The following COL22A1 variants were observed in gnomAD, a reference collection of about 807,000 sequenced individuals.
COL22A1 encodes the protein collagen alpha-1(XXII) chain.
Under a neutral mutation model 248.9 loss-of-function variants are expected in COL22A1, and 221 were observed. The ratio of observed to expected loss-of-function variants is 0.89; its 90% CI spans 0.80 to 0.99. The LOEUF is 0.99. Among genes scored for constraint, COL22A1 ranks in the 50% least tolerant of loss-of-function variants. COL22A1 has a pLI of 0.00. For synonymous variants in COL22A1, 891 were observed against 793.4 expected, an observed-to-expected ratio of 1.12 and a Z score of -2.07; for missense variants, 2,240 against 2,179.0, an observed-to-expected ratio of 1.03 and a Z score of -0.56.
In COL22A1 at chr8:138,589,254, T is replaced by C. The variant is rs764074505; in HGVS notation, c.4880A>G (p.Ter1627=). 2 of 1,613,542 alleles carry C rather than the reference T, an allele frequency of 1.2e-6. No individual in the cohort carries two copies. The highest frequency in any genetic ancestry group is 1.3e-5 in the African/African-American group (1 of 74,900). The change falls in exon 65 of 65, where the codon TAA becomes TGA. Residue 1627 remains the stop codon, a stop_retained_variant. Transcript: ENST00000303045. ...AGTCTTCTGGCTTTCCAGAGTCCTT[T>C]AGGGACCCTTCACATTACCCGGCCG... The part of the protein sequence containing the change: ...AARPGNVKGP[*]
intron 53 of COL22A1, 81 bp from the exon 54 acceptor site, chr8:138,617,039 T>A: frequency 6.7e-7 from 1 of 1,485,144 alleles, no homozygotes; most frequent in South Asian, 1.1e-5. Context: ...CCCTGCCGGC[T>A]TTGACCCACG....
chr8:138,691,505 A>C lies in COL22A1; in HGVS notation c.2755-631T>G, dbSNP rs919337341. ...GAGGTATGTGTATGTGTGCACGTCC[A>C]TGTGTGCATATTTGTGAAGGTGTGT... On this transcript the variant is annotated intron_variant, in intron 35 of 64. Transcript: ENST00000303045. 4.4e-4 allele frequency among the ~76,000 whole-genome samples: 30 copies of C among 67,992 alleles called. 2 individuals are homozygous for C. In the Admixed American group the frequency reaches 5.0e-3, roughly 11 times the overall value. The allele number at this position is 67,992 out of a possible 152,430, so 44.6% of individuals were successfully genotyped here.
At chr8:138,718,596 T>A (rs1293945420) in intron 27 of COL22A1, among the ~76,000 whole-genome samples, 2 of 152,228 alleles carry the variant, frequency 1.3e-5, no homozygotes, top group Non-Finnish European at 2.9e-5. Context: ...CTGCCATCCA[T>A]GACTTAGTCA....
intron 50 of COL22A1, 97 bp from the exon 51 acceptor site, chr8:138,626,340 T>A: frequency 1.0e-6 from 1 of 976,862 alleles, no homozygotes; most frequent in Non-Finnish European, 1.6e-6. Flanking sequence ...GTTGGGGGAG[T>A]GAGTGTTTGG....
intron 53 of COL22A1, among the ~76,000 whole-genome samples, chr8:138,618,222 A>G (rs1293185453): frequency 6.6e-6 from 1 of 152,220 alleles, no homozygotes; most frequent in Non-Finnish European, 1.5e-5. Flanking sequence ...CGTTGCAATC[A>G]AGGTCACAAA....
intron 63 of COL22A1, among the ~76,000 whole-genome samples, chr8:138,592,564 C>G (rs1817170617): frequency 6.6e-6 from 1 of 152,062 alleles, no homozygotes; most frequent in African/African-American, 2.4e-5. Flanking sequence ...AAAAGCCTTT[C>G]AAGTAGGAGA....
rs373535669 is a variant in COL22A1 at position 138,744,834 on chromosome 8, C to G, written c.2085+6624G>C. On this transcript the variant is annotated intron_variant, in intron 22 of 64. Transcript: ENST00000303045. ...AGAGATTCCATTTTTAAAATGCATT[C>G]TTAAAGTAAATGACAGTCAAGAACC... Among the ~76,000 whole-genome samples, 21 of 152,310 alleles carry G rather than the reference C, an allele frequency of 1.4e-4. 1 individual carries two copies. In the East Asian group the frequency reaches 3.7e-3, roughly 27 times the overall value.
At chr8:138,634,154 C>T (rs1177227020) in intron 49 of COL22A1, among the ~76,000 whole-genome samples, 1 of 152,174 alleles carries the variant, frequency 6.6e-6, no homozygotes, top group African/African-American at 2.4e-5. Flanking sequence ...ACACAGTTAA[C>T]AACTAGAAGT....
intron 62 of COL22A1, 78 bp from the exon 63 acceptor site, chr8:138,594,277 T>C: frequency 7.6e-7 from 1 of 1,321,698 alleles, no homozygotes; most frequent in Non-Finnish European, 1.0e-6. Flanking sequence ...CACTGACAAC[T>C]CAGAACCAGG....
chr8:138,609,743 T>C (rs1213726021), intron 56 of COL22A1, among the ~76,000 whole-genome samples: 1 of 152,016 alleles, frequency 6.6e-6, no homozygotes, highest in Non-Finnish European at 1.5e-5. Context: ...GCAGAGAGGA[T>C]AAGGGCCAAG....
intron 22 of COL22A1, among the ~76,000 whole-genome samples, chr8:138,738,964 C>T (rs1330352832): frequency 6.6e-6 from 1 of 152,154 alleles, no homozygotes; most frequent in Admixed American, 6.5e-5. Context: ...TCTCTCACTG[C>T]CCAGCATAAC....
Position 138,633,108 on chromosome 8 carries a change from A to G in COL22A1, c.3609+1902T>C, listed in dbSNP as rs1283452356. Among the ~76,000 whole-genome samples the G allele has an allele frequency of 1.8e-4, 27 of 152,226 alleles. 1 individual carries two copies. Among genetic ancestry groups the G allele is most frequent in the Admixed American group, 1.8e-3 (27 of 15,284 alleles). On this transcript the variant is annotated intron_variant, in intron 49 of 64. Coordinates refer to ENST00000303045, the MANE Select transcript of COL22A1 (RefSeq NM_152888.3). The stretch of plus-strand genomic sequence containing the variant: ...TAAGCACTTGAAAACAAGCAACAAC[A>G]AAGAGCAAAACTAAAACAATGCATA...
chr8:138,697,285 C>T (rs1321947719), intron 32 of COL22A1, among the ~76,000 whole-genome samples: 2 of 152,220 alleles, frequency 1.3e-5, no homozygotes, highest in East Asian at 3.9e-4. Flanking sequence ...GACTCATGAT[C>T]ATCTCTGCAG....
intron 7 of COL22A1, among the ~76,000 whole-genome samples, chr8:138,817,380 C>A (rs1054362566): frequency 6.6e-6 from 1 of 152,134 alleles, no homozygotes; most frequent in Non-Finnish European, 1.5e-5. Flanking sequence ...GCCACCAGTC[C>A]TTGGCGGAGG....
chr8:138,909,467 T>C (rs6986965), intron 1 of COL22A1, among the ~76,000 whole-genome samples: 44,967 of 151,744 alleles, frequency 0.3, 7,061 homozygotes, highest in African/African-American at 0.41. Flanking sequence ...CCAGCTCCAA[T>C]TGGCCTGGAC....
intron 22 of COL22A1, among the ~76,000 whole-genome samples, chr8:138,742,284 T>TGGTGATGGTGGAGTTGAG: frequency 8.2e-6 from 1 of 122,360 alleles, no homozygotes; most frequent in South Asian, 3.0e-4. Context: ...ATGGAGTTGA[T>TGGTGATGGTGGAGTTGAG]GGTGATGGTG....
intron 41 of COL22A1, among the ~76,000 whole-genome samples, chr8:138,669,486 C>G (rs954642427): frequency 6.6e-6 from 1 of 152,194 alleles, no homozygotes; most frequent in African/African-American, 2.4e-5. Context: ...CACCATGCCA[C>G]GAAGGAGGCT....
chr8:138,871,364 C>T (rs1169117390), intron 3 of COL22A1, among the ~76,000 whole-genome samples: 1 of 152,156 alleles, frequency 6.6e-6, no homozygotes, highest in Non-Finnish European at 1.5e-5. Context: ...TGAGAACAGT[C>T]CTGCTCCCAC....
intron 44 of COL22A1, among the ~76,000 whole-genome samples, chr8:138,656,543 G>T (rs6421014): frequency 6.6e-6 from 1 of 152,008 alleles, no homozygotes; most frequent in Admixed American, 6.6e-5. Context: ...TTCATGCTCA[G>T]ACCCACTGTG....
Sources: allele counts gnomAD v4.1 joint callset (sites outside exome capture counted in the v4.1 genomes callset), GRCh38; gene constraint gnomAD v4.1.1; transcripts MANE v1.5; gene names NCBI Gene and HGNC (gene_info 2026-07-23, HGNC 2026-07-21).